The following DNAH12 variants were observed in gnomAD, a reference collection of about 807,000 sequenced individuals.
DNAH12 encodes the protein dynein axonemal heavy chain 12.
A neutral mutation model predicts 371.5 loss-of-function variants in DNAH12; 285 were observed. The observed-to-expected ratio is 0.77, with a 90% confidence interval of 0.70 to 0.85. The LOEUF is 0.85. Among genes scored for constraint, DNAH12 ranks in the 40% least tolerant of loss-of-function variants. DNAH12 has a pLI of 0.00. For synonymous variants in DNAH12, 1,200 were observed against 1,213.0 expected, an observed-to-expected ratio of 0.99 and a Z score of 0.22; for missense variants, 3,611 against 3,689.4, an observed-to-expected ratio of 0.98 and a Z score of 0.55.
intron 60 of DNAH12, among the ~76,000 whole-genome samples, chr3:57,344,977 C>T (rs2062502814): frequency 6.6e-6 from 1 of 151,898 alleles, no homozygotes; most frequent in Non-Finnish European, 1.5e-5. Context: ...TTTTGACTCC[C>T]CCAAAACTTA....
intron 25 of DNAH12, among the ~76,000 whole-genome samples, chr3:57,449,744 C>T (rs889748652): frequency 2.6e-5 from 4 of 152,202 alleles, no homozygotes; most frequent in Non-Finnish European, 5.9e-5. Flanking sequence ...CACCTCCCTG[C>T]AAGCTGAGGG....
At chr3:57,331,033 C>T (rs1418581396) in intron 62 of DNAH12, among the ~76,000 whole-genome samples, 1 of 152,176 alleles carries the variant, frequency 6.6e-6, no homozygotes, top group Non-Finnish European at 1.5e-5. Flanking sequence ...AATTCATAGA[C>T]ATTTGTTGAG....
At chr3:57,548,915 C>T (rs1243282783), upstream of DNAH12, 2 of 152,162 alleles carry the variant, frequency 1.3e-5, no homozygotes, top group African/African-American at 4.8e-5. Context: ...ATAAGGATGA[C>T]ACACAAATTT....
rs1416589096 is a variant in DNAH12, at chr3:57,421,588, A to T, written c.5492T>A (p.Val1831Glu). The T allele has an allele frequency of 6.4e-7, 1 of 1,551,650 alleles. No individual in the cohort carries two copies. The highest frequency in any genetic ancestry group is 1.2e-5 in the South Asian group (1 of 84,058). Residue 1831 changes from valine (V) to glutamate (E), a missense_variant, in exon 36 of 74, where the codon GTG becomes GAG. This residue lies in a region of DNAH12 where 2,266 missense variants were observed against 2,236.9 expected (regional missense o/e 1.01). Transcript: ENST00000495027. ...TTCCCATTTACCCACAGAATCTGGC[A>T]CTGGGTTTTCATCATCTTTTCCCAG... ...IILGKDDENP[V>E]PDSVGKWECP...
chr3:57,387,488 C>T (rs995351844), intron 45 of DNAH12, among the ~76,000 whole-genome samples: 30 of 152,258 alleles, frequency 2.0e-4, no homozygotes, highest in Middle Eastern at 3.4e-3. Context: ...ACACTGTCTT[C>T]CCAACTCTTC....
At chr3:57,487,379 A>G (rs906325731) in intron 12 of DNAH12, among the ~76,000 whole-genome samples, 1 of 143,632 alleles carries the variant, frequency 7.0e-6, no homozygotes, top group Non-Finnish European at 1.5e-5. Flanking sequence ...GAAAGAAAAA[A>G]AAAAAGAAAG....
chr3:57,360,191 A>G (rs1575501295), intron 58 of DNAH12, among the ~76,000 whole-genome samples: 1 of 152,288 alleles, frequency 6.6e-6, no homozygotes, highest in East Asian at 1.9e-4. Context: ...GAAAGGAGAC[A>G]CTACAGAATA....
At chr3:57,385,203 C>A (rs1202204104) in intron 48 of DNAH12, 146 bp downstream of exon 48, 2 of 152,136 alleles carry the variant, frequency 1.3e-5, no homozygotes, top group Non-Finnish European at 2.9e-5. Flanking sequence ...AAAGACAGAA[C>A]CCACGTTAGA....
At chr3:57,526,366 T>C (rs1171075023) in intron 2 of DNAH12, among the ~76,000 whole-genome samples, 2 of 152,154 alleles carry the variant, frequency 1.3e-5, no homozygotes, top group Non-Finnish European at 1.5e-5. Context: ...ATTATGTATA[T>C]GTACCAATTT....
intron 2 of DNAH12, among the ~76,000 whole-genome samples, chr3:57,524,932 G>T (rs1040921447): frequency 2.0e-5 from 3 of 152,096 alleles, no homozygotes; most frequent in Non-Finnish European, 2.9e-5. Context: ...ATAGACAATG[G>T]GGAGTAATCG....
chr3:57,428,839 CTT>C lies in DNAH12; in HGVS notation c.5065-20_5065-19del. 1 of 1,506,020 alleles carries C rather than the reference CTT, an allele frequency of 6.6e-7. No individual in the cohort carries two copies. The highest frequency in any genetic ancestry group is 8.8e-7 in the Non-Finnish European group (1 of 1,130,180). 93.3% of individuals were successfully genotyped at this position (1,506,020 alleles called of 1,614,324 possible). A position where few individuals can be genotyped will look rare whatever the true frequency, so the allele number is the denominator to read the frequency against. On this transcript the variant is annotated intron_variant, in intron 33 of 73. Coordinates refer to ENST00000495027, the MANE Select transcript of DNAH12 (RefSeq NM_001366028.2). The stretch of plus-strand genomic sequence containing the variant: ...GTGGCAGGCTAGAGAAAAAAGGCAA[CTT>C]TTTGCACTGTTGTTTTTATACCAGT...
chr3:57,455,940 A>G (rs925073652), intron 22 of DNAH12, among the ~76,000 whole-genome samples: 1 of 152,214 alleles, frequency 6.6e-6, no homozygotes, highest in Non-Finnish European at 1.5e-5. Context: ...ATTGAAAACA[A>G]CTACAGAATG....
At chr3:57,308,457 A>G (rs2061516891) in intron 69 of DNAH12, among the ~76,000 whole-genome samples, 1 of 147,890 alleles carries the variant, frequency 6.8e-6, no homozygotes. Flanking sequence ...TCAGAATGCT[A>G]CAAGGTACAG....
At chr3:57,313,344 A>T (rs1037355471) in intron 66 of DNAH12, among the ~76,000 whole-genome samples, 46 of 151,994 alleles carry the variant, frequency 3.0e-4, no homozygotes, top group African/African-American at 9.2e-4. Context: ...AAATACGTTT[A>T]AAAAAAACAA....
chr3:57,518,404 T>TA (rs1448115818), intron 4 of DNAH12, among the ~76,000 whole-genome samples: 3 of 152,074 alleles, frequency 2.0e-5, no homozygotes, highest in Admixed American at 1.3e-4. Context: ...CATGTGCCTG[T>TA]AATCCCAGCT....
At chr3:57,463,430 TG>T (rs2066112373) in intron 17 of DNAH12, among the ~76,000 whole-genome samples, 1 of 152,174 alleles carries the variant, frequency 6.6e-6, no homozygotes, top group East Asian at 1.9e-4. Flanking sequence ...GTTTTATCTC[TG>T]CTGAGTGACG....
chr3:57,439,168 C>A (rs1161264015), intron 29 of DNAH12, among the ~76,000 whole-genome samples: 1 of 152,088 alleles, frequency 6.6e-6, no homozygotes, highest in East Asian at 1.9e-4. Context: ...TCCTATCAAG[C>A]TACCAAGATT....
intron 57 of DNAH12, among the ~76,000 whole-genome samples, chr3:57,364,921 T>C (rs2063014740): frequency 6.6e-6 from 1 of 152,206 alleles, no homozygotes; most frequent in Admixed American, 6.5e-5. Context: ...TGAGATACCA[T>C]CTTATGCCAG....
In DNAH12 at chr3:57,445,275, A is replaced by C. The variant is rs1214684599; in HGVS notation, c.4324T>G (p.Ser1442Ala). 2 of 1,551,508 alleles carry C rather than the reference A, an allele frequency of 1.3e-6. No homozygotes were observed. Among genetic ancestry groups the C allele is most frequent in the African/African-American group, 1.4e-5 (1 of 73,162 alleles). ...ATTCCATAGTCGTAATGAAATTGCG[A>C]TGAGAGCTGCTCTGAGCAAAGCCTA... ...TYRLCSEQLS[S>A]QFHYDYGMRA... Residue 1442 changes from serine (S) to alanine (A), a missense_variant, in exon 28 of 74, where the codon TCG becomes GCG. Transcript: ENST00000495027.
Sources: gnomAD v4.1 joint callset for allele counts (sites outside exome capture counted in the v4.1 genomes callset) on GRCh38, gnomAD v4.1.1 for gene constraint, gnomAD v4.1.1 regional missense constraint, MANE v1.5 for transcripts, NCBI Gene and HGNC (gene_info 2026-07-23, HGNC 2026-07-21) for gene names.